SOX6: variants seen among roughly 807,000 people sequenced by gnomAD.
SOX6 encodes SRY-box transcription factor 6.
Under a neutral mutation model 97.8 loss-of-function variants are expected in SOX6, and 11 were observed. The ratio of observed to expected loss-of-function variants is 0.11; its 90% CI spans 0.07 to 0.19. The LOEUF is 0.19. Ranked by LOEUF, SOX6 falls within the 10% of genes least tolerant of loss-of-function variation. The pLI is 1.00. For synonymous variants in SOX6, 360 were observed against 371.4 expected (o/e 0.97, Z 0.35); for missense variants, 810 against 1,039.5 (o/e 0.78, Z 3.04).
intron 3 of SOX6, among the ~76,000 whole-genome samples, chr11:16,256,720 A>C (rs959142833): frequency 6.6e-6 from 1 of 151,880 alleles, no homozygotes; most frequent in Non-Finnish European, 1.5e-5. Context: ...TTTAAAAATA[A>C]AATAAATAAA....
At chr11:16,047,720 GTGTGTGTGTGTGTGTA>G (rs568283951) in intron 11 of SOX6, among the ~76,000 whole-genome samples, 204 of 151,622 alleles carry the variant, frequency 1.3e-3, no homozygotes, top group Non-Finnish European at 2.5e-3. Flanking sequence ...GTGTGTGTGT[GTGTGTGTGTGTGTGTA>G]TGTGTGTGTA....
chr11:16,207,539 G>A (rs1353028220), intron 4 of SOX6, among the ~76,000 whole-genome samples: 1 of 150,840 alleles, frequency 6.6e-6, no homozygotes, highest in Non-Finnish European at 1.5e-5. Context: ...AGCTTGCAGT[G>A]AGCCGAGATC....
intron 1 of SOX6, among the ~76,000 whole-genome samples, chr11:16,428,013 C>A (rs1040294940): frequency 4.0e-5 from 6 of 151,614 alleles, no homozygotes; most frequent in Non-Finnish European, 7.4e-5. Context: ...CTTTTTAATG[C>A]TCACCATTCT....
intron 4 of SOX6, among the ~76,000 whole-genome samples, chr11:16,497,662 T>C (rs1860624992): frequency 6.6e-6 from 1 of 152,114 alleles, no homozygotes; most frequent in African/African-American, 2.4e-5. Context: ...GAGAACTACG[T>C]GACGAATGCA....
At chr11:16,652,335 A>C (rs1381342010) in intron 3 of SOX6, among the ~76,000 whole-genome samples, 1 of 152,084 alleles carries the variant, frequency 6.6e-6, no homozygotes, top group Non-Finnish European at 1.5e-5. Context: ...CAAATATGGA[A>C]GTATCACTTT....
At chr11:16,574,303 A>G (rs1033232345) in intron 4 of SOX6, among the ~76,000 whole-genome samples, 6 of 152,260 alleles carry the variant, frequency 3.9e-5, no homozygotes, top group Middle Eastern at 3.4e-3. Context: ...ACACATCAAA[A>G]GAACGTAATA....
intron 3 of SOX6, among the ~76,000 whole-genome samples, chr11:16,658,753 C>A (rs1847744122): frequency 6.6e-6 from 1 of 151,906 alleles, no homozygotes; most frequent in Admixed American, 6.6e-5. Context: ...CTTTCATTTT[C>A]TTTATGTCAC....
chr11:16,597,560 A>G (rs543503643), intron 4 of SOX6, among the ~76,000 whole-genome samples: 106 of 152,078 alleles, frequency 7.0e-4, no homozygotes, highest in African/African-American at 2.5e-3. Context: ...CTTCACACAT[A>G]TAGGTCTGTC....
intron 7 of SOX6, among the ~76,000 whole-genome samples, chr11:16,098,059 A>C (rs2133976480): frequency 6.6e-6 from 1 of 151,962 alleles, no homozygotes; most frequent in Non-Finnish European, 1.5e-5. Flanking sequence ...AGAACAACAA[A>C]AAGTTTTGGC....
intron 1 of SOX6, among the ~76,000 whole-genome samples, chr11:16,381,639 T>A (rs1384563428): frequency 6.6e-6 from 1 of 152,028 alleles, no homozygotes; most frequent in East Asian, 1.9e-4. Context: ...CATGAAAATA[T>A]GCATAATATA....
chr11:16,255,351 C>CA (rs1002499490), intron 3 of SOX6, among the ~76,000 whole-genome samples: 3 of 152,026 alleles, frequency 2.0e-5, no homozygotes, highest in African/African-American at 7.2e-5. Context: ...AAACAGACCA[C>CA]ATTCTGGGCT....
At chr11:16,681,177 C>T (rs1029624172) in intron 3 of SOX6, among the ~76,000 whole-genome samples, 2 of 152,226 alleles carry the variant, frequency 1.3e-5, no homozygotes, top group Non-Finnish European at 2.9e-5. Context: ...CACCACATCA[C>T]ACTTATTCTA....
chr11:16,465,044 T>C (rs192347142), intron 1 of SOX6, among the ~76,000 whole-genome samples: 1 of 152,352 alleles, frequency 6.6e-6, no homozygotes. Context: ...TTTTCTCCTC[T>C]TCTTAATTAC....
chr11:16,148,223 A>G (rs1850364537), intron 6 of SOX6, among the ~76,000 whole-genome samples: 1 of 152,130 alleles, frequency 6.6e-6, no homozygotes. Context: ...TAGACCACCC[A>G]TAGCCTTTTT....
intron 12 of SOX6, among the ~76,000 whole-genome samples, chr11:16,020,241 T>C (rs1234075035): frequency 6.6e-6 from 1 of 152,020 alleles, no homozygotes; most frequent in African/African-American, 2.4e-5. Context: ...ACATAGCCTC[T>C]TGCCCTCAAC....
chr11:16,240,962 TAA>T (rs922521736), intron 3 of SOX6, among the ~76,000 whole-genome samples: 1 of 150,778 alleles, frequency 6.6e-6, no homozygotes, highest in Non-Finnish European at 1.5e-5. Flanking sequence ...AAGTGAAAAA[TAA>T]AAAAATTACT....
At chr11:16,481,707 G>A (rs1270466982) in intron 4 of SOX6, among the ~76,000 whole-genome samples, 9 of 152,130 alleles carry the variant, frequency 5.9e-5, no homozygotes, top group South Asian at 2.1e-4. Flanking sequence ...CATGTTCAAT[G>A]ATGGTGGTTG....
intron 3 of SOX6, among the ~76,000 whole-genome samples, chr11:16,307,784 G>A (rs1242810483): frequency 1.3e-5 from 2 of 152,106 alleles, no homozygotes; most frequent in Non-Finnish European, 2.9e-5. Context: ...TCAATATTTT[G>A]TCATATTTTC....
intron 2 of SOX6, among the ~76,000 whole-genome samples, chr11:16,724,339 G>A (rs915926218): frequency 6.6e-6 from 1 of 152,158 alleles, no homozygotes; most frequent in African/African-American, 2.4e-5. Flanking sequence ...TCAGTTTCCT[G>A]ATCTGTAAAA....
Sources: gnomAD v4.1 joint callset for allele counts (sites outside exome capture counted in the v4.1 genomes callset) on GRCh38, gnomAD v4.1.1 for gene constraint, MANE v1.5 for transcripts, NCBI Gene and HGNC (gene_info 2026-07-23, HGNC 2026-07-21) for gene names.